Variants in NFIX observed in about 807,000 individuals in gnomAD.
NFIX encodes the protein nuclear factor I X.
A neutral mutation model predicts 53.3 loss-of-function variants in NFIX; 2 were observed. The ratio of observed to expected loss-of-function variants is 0.04; its 90% CI spans 0.02 to 0.12. NFIX has a LOEUF of 0.12. NFIX is among the 10% of genes least tolerant of loss of function. The probability of loss-of-function intolerance (pLI) is 1.00; values close to 1 mark genes in which losing one functional copy is unlikely to be tolerated. For synonymous variants in NFIX, 244 were observed against 289.0 expected (o/e 0.84, Z 1.58); for missense variants, 310 against 674.5 (o/e 0.46, Z 5.99).
chr19:13,074,703 A>G (rs1312214593), intron 5 of NFIX, among the ~76,000 whole-genome samples: 2 of 145,282 alleles, frequency 1.4e-5, no homozygotes, highest in African/African-American at 5.0e-5. Context: ...GGTCCACTCC[A>G]CTTTTTTTTT....
chr19:13,077,058 C>T (rs943408501), intron 6 of NFIX, among the ~76,000 whole-genome samples: 2 of 152,122 alleles, frequency 1.3e-5, no homozygotes, highest in Non-Finnish European at 2.9e-5. Flanking sequence ...TGAGAAGGCC[C>T]GGGAGACTCT....
chr19:13,055,571 G>A (rs1340948188), intron 2 of NFIX, among the ~76,000 whole-genome samples: 1 of 152,168 alleles, frequency 6.6e-6, no homozygotes, highest in African/African-American at 2.4e-5. Context: ...ACGGGGCCTC[G>A]GCTCTCCTCC....
intron 2 of NFIX, among the ~76,000 whole-genome samples, chr19:13,056,436 G>A (rs980400176): frequency 1.5e-4 from 23 of 152,194 alleles, no homozygotes; most frequent in African/African-American, 5.1e-4. Context: ...AGGTGAGCTT[G>A]CATAGGCTGG....
rs115343022 is a variant in NFIX at position 13,006,225 on chromosome 19, A to G, written c.27+10361A>G. 6.8e-3 allele frequency among the ~76,000 whole-genome samples: 1,036 copies of G among 152,102 alleles called. 14 individuals carry two copies. The highest frequency in any genetic ancestry group is 0.023 in the African/African-American group (970 of 41,506). On this transcript the variant is annotated intron_variant, in intron 1 of 10. Transcript: ENST00000592199. The surrounding 1 kb of genome is among the most constrained non-coding windows in gnomAD (Gnocchi z 5.6). ...GGTTTTAGCAGAGGTGGGCACGGAG[A>G]CCTCATGGTGAGATGATGATTTTGA...
intron 2 of NFIX, among the ~76,000 whole-genome samples, chr19:13,031,081 C>G (rs2013765987): frequency 6.6e-6 from 1 of 152,224 alleles, no homozygotes; most frequent in South Asian, 2.1e-4. Flanking sequence ...CAGAAATGCC[C>G]AGACCCAATC....
At position 13,009,889 on chromosome 19, in the gene NFIX, G is replaced by A. The variant is rs2012234281; in HGVS notation, c.27+14025G>A. Reference sequence around the variant, plus strand: ...CCTTTGGGGGATTTGGTGGTAGAACGGGGCCGGGGGTCTTCAAAGGCAGAG... The same window carrying A: ...CCTTTGGGGGATTTGGTGGTAGAACAGGGCCGGGGGTCTTCAAAGGCAGAG... On this transcript the variant is annotated intron_variant, in intron 1 of 10. Transcript: ENST00000592199. The surrounding 1 kb of genome is among the most constrained non-coding windows in gnomAD (Gnocchi z 4.7). Among the ~76,000 whole-genome samples the A allele has an allele frequency of 6.6e-6, 1 of 152,274 alleles. No homozygotes were observed. Among genetic ancestry groups the A allele is most frequent in the Non-Finnish European group, 1.5e-5 (1 of 68,010 alleles).
At chr19:13,085,634 T>C (rs564009344) in intron 8 of NFIX, among the ~76,000 whole-genome samples, 2 of 152,298 alleles carry the variant, frequency 1.3e-5, no homozygotes, top group African/African-American at 4.8e-5. Context: ...TTGACACATA[T>C]GGGGACCAGC....
At chr19:13,018,622 GC>G (rs1169236329) in intron 1 of NFIX, among the ~76,000 whole-genome samples, 1 of 152,186 alleles carries the variant, frequency 6.6e-6, no homozygotes, top group African/African-American at 2.4e-5. Flanking sequence ...TGACTACAGA[GC>G]CCCTTCTCGT....
rs950753294 is a variant in NFIX, at chr19:13,097,919, ACGCTGACAGGTCGATTTGCCCAGGCC to A, written c.*3274_*3299del. ...TCGACGCTCCAGGACAGGACCAGCCACGCTGACAGGTCGATTTGCCCAGGCCCGCGCCCGCACGCACGCACGCACAC... is the reference window on the plus strand; with the variant it reads ...TCGACGCTCCAGGACAGGACCAGCCACGCGCCCGCACGCACGCACGCACAC... On this transcript the variant is annotated 3_prime_UTR_variant, in exon 11 of 11. Coordinates refer to ENST00000592199, the MANE Select transcript of NFIX (RefSeq NM_001365902.3). 2.6e-5 allele frequency: 4 copies of A among 151,670 alleles called. No individual in the cohort carries two copies. Among genetic ancestry groups the A allele is most frequent in the Non-Finnish European group, 5.8e-5 (4 of 68,834 alleles). The allele number at this position is 151,670 out of a possible 1,614,324, so 9.4% of individuals were successfully genotyped here.
Position 13,001,586 on chromosome 19 carries a change from G to T in NFIX, c.27+5722G>T, listed in dbSNP as rs1030941032. Among the ~76,000 whole-genome samples, 1 of 152,168 alleles carries T rather than the reference G, an allele frequency of 6.6e-6. No individual in the cohort carries two copies. The highest frequency in any genetic ancestry group is 6.5e-5 in the Admixed American group (1 of 15,286). Reference sequence around the variant, plus strand: ...GCAGTGTTTTTCTGGGTGTCTGTGCGTCACGGCAAAGAGTGTATCCGTGTG... The same window carrying T: ...GCAGTGTTTTTCTGGGTGTCTGTGCTTCACGGCAAAGAGTGTATCCGTGTG... On this transcript the variant is annotated intron_variant, in intron 1 of 10. Transcript: ENST00000592199. The surrounding 1 kb of genome is among the most constrained non-coding windows in gnomAD (Gnocchi z 6.5).
chr19:13,052,382 G>A lies in NFIX; in HGVS notation c.560-20665G>A, dbSNP rs901283508. Among the ~76,000 whole-genome samples the A allele has an allele frequency of 2.1e-4, 32 of 152,172 alleles. No individual in the cohort carries two copies. Among genetic ancestry groups the A allele is most frequent in the African/African-American group, 7.7e-4 (32 of 41,432 alleles). ...GTAGAGCCCAGATGGGAGCCCACCT[G>A]GATGGCACGAACCACCTGAGTGATC... On this transcript the variant is annotated intron_variant, in intron 2 of 10. Transcript: ENST00000592199. The surrounding 1 kb of genome is among the most constrained non-coding windows in gnomAD (Gnocchi z 5.2).
At chr19:13,048,014 T>C (rs2015097686) in intron 2 of NFIX, among the ~76,000 whole-genome samples, 1 of 152,212 alleles carries the variant, frequency 6.6e-6, no homozygotes. Context: ...TATCAGTGTC[T>C]CTGAACCCTA....
At chr19:13,054,059 C>T (rs2015494374) in intron 2 of NFIX, among the ~76,000 whole-genome samples, 1 of 152,170 alleles carries the variant, frequency 6.6e-6, no homozygotes, top group African/African-American at 2.4e-5. Flanking sequence ...TCCTCCCCCA[C>T]CCAGCCTGCT....
chr19:13,000,602 G>C (rs2011642870), intron 1 of NFIX, among the ~76,000 whole-genome samples: 1 of 152,060 alleles, frequency 6.6e-6, no homozygotes, highest in Middle Eastern at 3.2e-3. Flanking sequence ...TGTTCCATGA[G>C]GACCAGATAC....
intron 8 of NFIX, among the ~76,000 whole-genome samples, chr19:13,083,340 A>G (rs1431422532): frequency 6.6e-6 from 1 of 151,976 alleles, no homozygotes; most frequent in Non-Finnish European, 1.5e-5. Context: ...TTTCTTAACT[A>G]CCGAGGCAGC....
At chr19:12,997,617 G>A (rs1322976181) in intron 1 of NFIX, among the ~76,000 whole-genome samples, 4 of 152,188 alleles carry the variant, frequency 2.6e-5, no homozygotes, top group Non-Finnish European at 4.4e-5. Flanking sequence ...CTGTGTGGCC[G>A]ATGTTTGGGG....
intron 1 of NFIX, chr19:13,024,132 C>T (rs1032974145): frequency 4.0e-6 from 3 of 744,780 alleles, no homozygotes; most frequent in Non-Finnish European, 4.2e-6. Context: ...AAAAAAAAAC[C>T]AAACAAAACC....
At position 13,014,544 on chromosome 19, in the gene NFIX, T is replaced by A. The variant is rs2012554242; in HGVS notation, c.28-10477T>A. 6.6e-6 allele frequency: 1 copy of A among 152,384 alleles called. No individual in the cohort carries two copies. The highest frequency in any genetic ancestry group is 2.1e-4 in the South Asian group (1 of 4,830). The allele number at this position is 152,384 out of a possible 1,614,324, so 9.4% of individuals were successfully genotyped here. Reference sequence around the variant, plus strand: ...GAATCAAGTATTTCTAGAGATCGCCTGCTCAGAGGGCTCAGATCCCTTGTC... The same window carrying A: ...GAATCAAGTATTTCTAGAGATCGCCAGCTCAGAGGGCTCAGATCCCTTGTC... On this transcript the variant is annotated intron_variant, in intron 1 of 10. Transcript: ENST00000592199. The surrounding 1 kb of genome is among the most constrained non-coding windows in gnomAD (Gnocchi z 4.4).
At position 13,043,471 on chromosome 19, in the gene NFIX, G is replaced by A. The variant is rs374704912; in HGVS notation, c.559+17919G>A. ...GCAAGCCCATGCTGGCCGCCAGCAC[G>A]TGCCAGAGAGCTCCTGAGGAAGCAG... On this transcript the variant is annotated intron_variant, in intron 2 of 10. Coordinates refer to ENST00000592199, the MANE Select transcript of NFIX (RefSeq NM_001365902.3). This position sits in a 1 kb window ranked among gnomAD's most constrained non-coding sequence, Gnocchi z 4.0. Among the ~76,000 whole-genome samples, 7 of 152,342 alleles carry A rather than the reference G, an allele frequency of 4.6e-5. No homozygotes were observed. In the East Asian group the frequency reaches 5.8e-4, roughly 13 times the overall value.
Sources: gnomAD v4.1 joint callset for allele counts (sites outside exome capture counted in the v4.1 genomes callset) on GRCh38, gnomAD v4.1.1 for gene constraint, Gnocchi (gnomAD v3.1) non-coding constraint, MANE v1.5 for transcripts, NCBI Gene and HGNC (gene_info 2026-07-23, HGNC 2026-07-21) for gene names.